SRGAP1: variants seen among roughly 807,000 people sequenced by gnomAD.
SRGAP1 encodes SLIT-ROBO Rho GTPase activating protein 1, also known as SLIT-ROBO Rho GTPase-activating protein 1.
Under a neutral mutation model 121.9 loss-of-function variants are expected in SRGAP1, and 43 were observed. That is an observed-to-expected ratio of 0.35 (90% CI 0.28 to 0.46). SRGAP1 has a LOEUF of 0.46. Ranked by LOEUF, SRGAP1 falls within the 20% of genes least tolerant of loss-of-function variation. The pLI is 1.00. For missense variants in SRGAP1, 1,102 were observed against 1,350.9 expected (o/e 0.82, Z 2.89); for synonymous variants, 447 against 485.4 (o/e 0.92, Z 1.04).
Position 64,149,165 on chromosome 12 carries a change from G to A in SRGAP1, c.*6493G>A, listed in dbSNP as rs976297770. ...TCTTTAAACATGGAGAAATGAATGG[G>A]GGGTGAGGGACCCACCTGTCAAAGG... On this transcript the variant is annotated 3_prime_UTR_variant, in exon 22 of 22. Coordinates refer to ENST00000355086, the MANE Select transcript of SRGAP1 (RefSeq NM_020762.4). The A allele has an allele frequency of 3.3e-5, 5 of 152,282 alleles. No individual in the cohort carries two copies. Among genetic ancestry groups the A allele is most frequent in the Admixed American group, 1.3e-4 (2 of 15,296 alleles). The allele number at this position is 152,282 out of a possible 1,614,324, so 9.4% of individuals were successfully genotyped here. A position where few individuals can be genotyped will look rare whatever the true frequency, so the allele number is the denominator to read the frequency against.
chr12:64,031,988 T>G (rs551155482), intron 4 of SRGAP1, among the ~76,000 whole-genome samples: 2 of 152,334 alleles, frequency 1.3e-5, no homozygotes, highest in Admixed American at 1.3e-4. Flanking sequence ...TTAAAAATGC[T>G]ACTCTGTAAA....
At chr12:64,041,395 A>ATTTT (rs869132075) in intron 4 of SRGAP1, among the ~76,000 whole-genome samples, 5 of 114,724 alleles carry the variant, frequency 4.4e-5, no homozygotes, top group Non-Finnish European at 9.1e-5. Flanking sequence ...TTATTTATTT[A>ATTTT]TTTTTTTGAG....
chr12:64,023,825 C>T (rs948566479), intron 4 of SRGAP1, among the ~76,000 whole-genome samples: 9 of 152,182 alleles, frequency 5.9e-5, no homozygotes, highest in Non-Finnish European at 1.0e-4. Flanking sequence ...GGCAGGTATG[C>T]CTAATCTCAG....
At chr12:64,040,515 A>T (rs1371253261) in intron 4 of SRGAP1, among the ~76,000 whole-genome samples, 1 of 152,190 alleles carries the variant, frequency 6.6e-6, no homozygotes, top group Non-Finnish European at 1.5e-5. Flanking sequence ...GAGTCATCAC[A>T]CCTTACATGT....
chr12:63,995,877 A>G (rs2033684421), intron 3 of SRGAP1, among the ~76,000 whole-genome samples: 1 of 151,914 alleles, frequency 6.6e-6, no homozygotes, highest in African/African-American at 2.4e-5. Flanking sequence ...CCCAACATGA[A>G]AAAAAAAGCA....
intron 18 of SRGAP1, among the ~76,000 whole-genome samples, chr12:64,121,007 CTTT>C (rs35809572): frequency 3.4e-5 from 4 of 115,998 alleles, no homozygotes; most frequent in South Asian, 5.7e-4. Context: ...TTCTTTGTGT[CTTT>C]TTTTTTTTTT....
intron 1 of SRGAP1, among the ~76,000 whole-genome samples, chr12:63,923,707 A>G (rs930945800): frequency 3.3e-5 from 5 of 152,238 alleles, no homozygotes; most frequent in Non-Finnish European, 7.3e-5. Flanking sequence ...ATGGTTATCA[A>G]AAAACTTGTT....
At chr12:63,955,285 C>T (rs1267729378) in intron 1 of SRGAP1, among the ~76,000 whole-genome samples, 1 of 152,064 alleles carries the variant, frequency 6.6e-6, no homozygotes, top group East Asian at 1.9e-4. Flanking sequence ...TGTCACTGCA[C>T]TCCAGCCTGG....
chr12:64,025,721 C>G (rs1302872615), intron 4 of SRGAP1, among the ~76,000 whole-genome samples: 1 of 152,076 alleles, frequency 6.6e-6, no homozygotes, highest in African/African-American at 2.4e-5. Context: ...ACCTCCTTAC[C>G]CTGGCTTTGA....
intron 1 of SRGAP1, among the ~76,000 whole-genome samples, chr12:63,895,526 A>G (rs1328845279): frequency 1.3e-5 from 2 of 152,234 alleles, no homozygotes; most frequent in African/African-American, 4.8e-5. Context: ...TAGACAACAC[A>G]GTTCTATCCC....
At position 64,142,726 on chromosome 12, in the gene SRGAP1, A is replaced by G; in HGVS notation, c.*54A>G. The G allele has an allele frequency of 6.5e-7, 1 of 1,549,518 alleles. No individual in the cohort carries two copies. Among genetic ancestry groups the G allele is most frequent in the Non-Finnish European group, 8.7e-7 (1 of 1,149,168 alleles). On this transcript the variant is annotated 3_prime_UTR_variant, in exon 22 of 22. Transcript: ENST00000355086. Reference sequence around the variant, plus strand: ...GGTGACTTAAAAAAGAAAATGGATTAGTGACAAAAGTCACTGATCCATAAC... The same window carrying G: ...GGTGACTTAAAAAAGAAAATGGATTGGTGACAAAAGTCACTGATCCATAAC...
chr12:64,071,881 A>ACCC (rs2035643667), intron 8 of SRGAP1, among the ~76,000 whole-genome samples: 1 of 118,306 alleles, frequency 8.5e-6, no homozygotes, highest in African/African-American at 3.1e-5. Context: ...CCCCCCCCCA[A>ACCC]AAAAAAAAGT....
intron 4 of SRGAP1, among the ~76,000 whole-genome samples, chr12:64,033,561 C>T (rs11175237): frequency 0.38 from 58,100 of 151,436 alleles, 11,801 homozygotes; most frequent in Non-Finnish European, 0.48. Flanking sequence ...CTACTAAAAA[C>T]ACAAAAATTA....
intron 3 of SRGAP1, among the ~76,000 whole-genome samples, chr12:64,012,581 G>A (rs1202597145): frequency 3.2e-5 from 3 of 93,066 alleles, no homozygotes; most frequent in African/African-American, 1.8e-4. Context: ...TTTTTTGAGA[G>A]TGGGTCTCAC....
At chr12:64,100,184 C>T (rs2036231416) in intron 15 of SRGAP1, among the ~76,000 whole-genome samples, 1 of 152,196 alleles carries the variant, frequency 6.6e-6, no homozygotes, top group South Asian at 2.1e-4. Flanking sequence ...ACTGTGGTCA[C>T]ATATGCCAAT....
rs1400787716 is a variant in SRGAP1 at position 64,148,410 on chromosome 12, T to C, written c.*5738T>C. ...GATTCTCCTGCCTCAGCCTCCTAAG[T>C]AGCTGTAATTACAGGCACCCGCCAC... On this transcript the variant is annotated 3_prime_UTR_variant, in exon 22 of 22. Transcript: ENST00000355086. 3.3e-5 allele frequency: 5 copies of C among 151,646 alleles called. No homozygotes were observed. The highest frequency in any genetic ancestry group is 3.3e-4 in the Admixed American group (5 of 15,204). 9.4% of individuals were successfully genotyped at this position (151,646 alleles called of 1,614,324 possible).
chr12:64,144,709 T>C lies in SRGAP1; in HGVS notation c.*2037T>C, dbSNP rs2037021700. On this transcript the variant is annotated 3_prime_UTR_variant, in exon 22 of 22. Transcript: ENST00000355086. ...GCCCCTCCCCATTTCTCCTGAGCTT[T>C]TGGGGTCCTTCAGCACCCTTGGACA... The C allele has an allele frequency of 6.6e-6, 1 of 152,216 alleles. No homozygotes were observed. The highest frequency in any genetic ancestry group is 6.6e-5 in the Admixed American group (1 of 15,264). 9.4% of individuals were successfully genotyped at this position (152,216 alleles called of 1,614,324 possible). A position where few individuals can be genotyped will look rare whatever the true frequency, so the allele number is the denominator to read the frequency against.
rs1203347608 is a variant in SRGAP1, at chr12:64,152,933, A to C, written c.*10261A>C. The C allele has an allele frequency of 1.3e-5, 2 of 151,510 alleles. No individual in the cohort carries two copies. Among genetic ancestry groups the C allele is most frequent in the Non-Finnish European group, 2.9e-5 (2 of 67,900 alleles). 9.4% of individuals were successfully genotyped at this position (151,510 alleles called of 1,614,324 possible). A position where few individuals can be genotyped will look rare whatever the true frequency, so the allele number is the denominator to read the frequency against. ...ATTTAAAAAAAAAAAAAAAAAAAAA[A>C]AAACCACTACATAAGCCAACAGCTA... On this transcript the variant is annotated 3_prime_UTR_variant, in exon 22 of 22. Coordinates refer to ENST00000355086, the MANE Select transcript of SRGAP1 (RefSeq NM_020762.4).
chr12:63,912,076 A>G (rs915468639), intron 1 of SRGAP1, among the ~76,000 whole-genome samples: 1 of 152,120 alleles, frequency 6.6e-6, no homozygotes, highest in Non-Finnish European at 1.5e-5. Context: ...GGAAGAAGAG[A>G]AGGGGGACAT....
Sources: allele counts gnomAD v4.1 joint callset (sites outside exome capture counted in the v4.1 genomes callset), GRCh38; gene constraint gnomAD v4.1.1; transcripts MANE v1.5; gene names NCBI Gene and HGNC (gene_info 2026-07-23, HGNC 2026-07-21).